CNST: variants seen among roughly 807,000 people sequenced by gnomAD.
The protein encoded by CNST is consortin.
A neutral mutation model predicts 72.4 loss-of-function variants in CNST; 39 were observed. The observed-to-expected ratio is 0.54, with a 90% CI of 0.42 to 0.70. CNST has a LOEUF of 0.70. Ranked by LOEUF, CNST falls within the 30% of genes least tolerant of loss-of-function variation. The pLI, the probability that CNST is intolerant of heterozygous loss-of-function variation, is 0.00. For synonymous variants in CNST, 332 were observed against 320.1 expected (o/e 1.04, Z -0.40); for missense variants, 871 against 868.5 (o/e 1.00, Z -0.04).
chr1:246,648,259 A>C, intron 9 of CNST: 1 of 1,301,134 alleles, frequency 7.7e-7, no homozygotes, highest in Non-Finnish European at 9.8e-7. Flanking sequence ...GTTCTATTGC[A>C]TGCCTCCAGC....
At chr1:246,566,738 C>G in intron 1 of CNST, 75 bp downstream of exon 1, 2 of 399,826 alleles carry the variant, frequency 5.0e-6, no homozygotes, top group Non-Finnish European at 4.4e-6. Flanking sequence ...GGAAGCCTCT[C>G]GCTCCTCCCC....
intron 4 of CNST, among the ~76,000 whole-genome samples, chr1:246,633,448 C>CAAAAAAAAAA (rs796468053): frequency 2.6e-4 from 28 of 108,278 alleles, no homozygotes; most frequent in African/African-American, 8.2e-4. Flanking sequence ...GACTGTGTCT[C>CAAAAAAAAAA]AAAAAAAAAA....
chr1:246,620,592 C>T (rs558502168), intron 2 of CNST, among the ~76,000 whole-genome samples: 26 of 131,090 alleles, frequency 2.0e-4, no homozygotes, highest in African/African-American at 6.6e-4. Flanking sequence ...ACAGGGAGGA[C>T]GGCTTCAGTC....
rs377579771 is a variant in CNST at position 246,636,472 on chromosome 1, G to A, written c.818+1885G>A. On this transcript the variant is annotated intron_variant, in intron 6 of 10. Coordinates refer to ENST00000366513, the MANE Select transcript of CNST (RefSeq NM_152609.3). ...GCAATTGGACACATTCGTGGTAAGC[G>A]CGATGCCCTCTCCTAGATCTACAAA... Among the ~76,000 whole-genome samples, 100 of 152,178 alleles carry A rather than the reference G, an allele frequency of 6.6e-4. 2 individuals are homozygous for A. The East Asian group carries it at 0.019, about 29-fold the overall frequency.
intron 1 of CNST, among the ~76,000 whole-genome samples, chr1:246,585,712 CTATATA>C (rs1189250659): frequency 9.6e-6 from 1 of 104,136 alleles, no homozygotes; most frequent in African/African-American, 3.4e-5. Context: ...CACACACACA[CTATATA>C]TGTATACAGC....
At chr1:246,581,982 G>T (rs1285924030) in intron 1 of CNST, among the ~76,000 whole-genome samples, 1 of 151,922 alleles carries the variant, frequency 6.6e-6, no homozygotes, top group African/African-American at 2.4e-5. Context: ...CTTTAACTGG[G>T]GTTTTTTTAA....
At chr1:246,621,393 T>G in intron 2 of CNST, 36 bp from the exon 3 acceptor site, 4 of 1,482,078 alleles carry the variant, frequency 2.7e-6, no homozygotes, top group Non-Finnish European at 3.8e-6. Flanking sequence ...TCATGGGAAT[T>G]GATCCTAACA....
At chr1:246,568,563 G>A (rs1659866073) in intron 1 of CNST, among the ~76,000 whole-genome samples, 2 of 152,064 alleles carry the variant, frequency 1.3e-5, no homozygotes, top group Non-Finnish European at 2.9e-5. Flanking sequence ...AAGAAGTGTG[G>A]TTTTCTATCC....
intron 3 of CNST, among the ~76,000 whole-genome samples, chr1:246,621,943 T>C (rs949605961): frequency 6.6e-6 from 1 of 152,126 alleles, no homozygotes; most frequent in Non-Finnish European, 1.5e-5. Context: ...TGCATTGAGC[T>C]GACATTGCAC....
intron 1 of CNST, among the ~76,000 whole-genome samples, chr1:246,581,148 C>T: frequency 6.6e-6 from 1 of 152,222 alleles, no homozygotes; most frequent in East Asian, 1.9e-4. Context: ...TATTTCTGTC[C>T]TGTATTTTCA....
chr1:246,650,175 A>C (rs3124085), intron 9 of CNST, among the ~76,000 whole-genome samples: 121,839 of 152,052 alleles, frequency 0.8, 50,876 homozygotes, highest in South Asian at 0.93. Flanking sequence ...TATTACAATT[A>C]AATGGAATAT....
intron 3 of CNST, among the ~76,000 whole-genome samples, chr1:246,628,261 A>G (rs778063505): frequency 2.6e-5 from 4 of 152,178 alleles, no homozygotes; most frequent in Non-Finnish European, 4.4e-5. Context: ...CCCAGGATCA[A>G]TACTTTGTAT....
At chr1:246,638,003 G>C (rs1250108613) in intron 6 of CNST, among the ~76,000 whole-genome samples, 1 of 152,152 alleles carries the variant, frequency 6.6e-6, no homozygotes, top group Non-Finnish European at 1.5e-5. Context: ...GCCAGAGGGA[G>C]CCCTGGGGTG....
At chr1:246,639,293 G>T (rs1359164385) in intron 6 of CNST, among the ~76,000 whole-genome samples, 3 of 152,136 alleles carry the variant, frequency 2.0e-5, no homozygotes, top group Non-Finnish European at 4.4e-5. Flanking sequence ...GGCTGTGCAG[G>T]GTTTAAAGGC....
At chr1:246,575,970 A>G (rs1660378834) in intron 1 of CNST, among the ~76,000 whole-genome samples, 1 of 149,364 alleles carries the variant, frequency 6.7e-6, no homozygotes, top group Non-Finnish European at 1.5e-5. Context: ...TCGCGCCTGT[A>G]ACGCCTGTAA....
chr1:246,600,718 GAC>G (rs1662227633), intron 2 of CNST, among the ~76,000 whole-genome samples: 1 of 152,200 alleles, frequency 6.6e-6, no homozygotes, highest in South Asian at 2.1e-4. Context: ...GAGAGTAGAA[GAC>G]AGTGTTGTGC....
chr1:246,654,126 C>T (rs779562470), intron 9 of CNST, among the ~76,000 whole-genome samples: 28 of 152,206 alleles, frequency 1.8e-4, no homozygotes, highest in Admixed American at 4.6e-4. Flanking sequence ...TACTACTCGA[C>T]ATTCAGGACT....
intron 3 of CNST, among the ~76,000 whole-genome samples, chr1:246,628,689 G>C (rs1664597169): frequency 6.6e-6 from 1 of 152,270 alleles, no homozygotes; most frequent in Non-Finnish European, 1.5e-5. Context: ...CCATTCATGA[G>C]GGCAGAGCCC....
At chr1:246,631,076 C>T (rs1233099618) in intron 3 of CNST, among the ~76,000 whole-genome samples, 1 of 152,080 alleles carries the variant, frequency 6.6e-6, no homozygotes, top group Non-Finnish European at 1.5e-5. Context: ...AGAGTTTATG[C>T]AATATTTCAG....
Sources: gnomAD v4.1 joint callset for allele counts (sites outside exome capture counted in the v4.1 genomes callset) on GRCh38, gnomAD v4.1.1 for gene constraint, MANE v1.5 for transcripts, NCBI Gene and HGNC (gene_info 2026-07-23, HGNC 2026-07-21) for gene names.